Variants in KCNAB2 observed in about 807,000 individuals in gnomAD.
KCNAB2 encodes the protein potassium voltage-gated channel subfamily A regulatory beta subunit 2.
In KCNAB2, 29 loss-of-function variants were observed where a neutral mutation model predicts 63.6. That is an observed-to-expected ratio of 0.46 (90% CI 0.34 to 0.62). The LOEUF is 0.62. KCNAB2 is among the 20% of genes least tolerant of loss of function. KCNAB2 has a pLI of 0.01. For missense variants in KCNAB2, 359 were observed against 563.9 expected (o/e 0.64, Z 3.68); for synonymous variants, 222 against 224.2 (o/e 0.99, Z 0.09).
At chr1:6,046,208 C>T in intron 1 of KCNAB2, 25 bp downstream of exon 1, 1 of 985,326 alleles carries the variant, frequency 1.0e-6, no homozygotes, top group South Asian at 4.7e-5. Flanking sequence ...CAGCCGCTAC[C>T]TTCCTAGTGG....
chr1:6,081,364 A>G (rs933901910), intron 4 of KCNAB2, among the ~76,000 whole-genome samples: 5 of 152,202 alleles, frequency 3.3e-5, no homozygotes, highest in African/African-American at 1.2e-4. Flanking sequence ...TTCAGTCCTC[A>G]TGTGCAGGTG....
At chr1:6,018,041 T>C (rs1216486225) in intron 1 of KCNAB2, among the ~76,000 whole-genome samples, 1 of 152,188 alleles carries the variant, frequency 6.6e-6, no homozygotes, top group African/African-American at 2.4e-5. Context: ...GCCTTGCAAG[T>C]AGTTGGTACT....
chr1:6,084,486 A>G (rs1664476577), intron 5 of KCNAB2, among the ~76,000 whole-genome samples: 1 of 152,250 alleles, frequency 6.6e-6, no homozygotes, highest in Non-Finnish European at 1.5e-5. Context: ...TTGTCTCTCA[A>G]AACAGAGCGT....
At chr1:6,012,136 G>A (rs1240449379) in intron 1 of KCNAB2, among the ~76,000 whole-genome samples, 6 of 146,494 alleles carry the variant, frequency 4.1e-5, no homozygotes, top group South Asian at 2.2e-4. Flanking sequence ...TGGAGGTGAC[G>A]GGTGGAAGTG....
intron 2 of KCNAB2, among the ~76,000 whole-genome samples, chr1:6,063,370 G>A (rs899318869): frequency 1.3e-5 from 2 of 151,144 alleles, no homozygotes; most frequent in East Asian, 3.9e-4. Flanking sequence ...CTTTAACTTA[G>A]CATCATGTTT....
At chr1:6,037,549 G>A (rs1660145610) in intron 1 of KCNAB2, among the ~76,000 whole-genome samples, 1 of 152,168 alleles carries the variant, frequency 6.6e-6, no homozygotes, top group Non-Finnish European at 1.5e-5. Context: ...TGCTTGTAGG[G>A]GAGCCTCCCA....
chr1:6,080,277 A>C (rs1205821050), intron 4 of KCNAB2, among the ~76,000 whole-genome samples: 1 of 152,118 alleles, frequency 6.6e-6, no homozygotes, highest in East Asian at 1.9e-4. Context: ...GCAGGTGAAC[A>C]AGCCACCCGT....
upstream of KCNAB2, among the ~76,000 whole-genome samples, chr1:6,044,632 C>CA (rs1285179527): frequency 6.6e-6 from 1 of 152,084 alleles, no homozygotes; most frequent in African/African-American, 2.4e-5. Context: ...CAGATGCACT[C>CA]AGAGGGCACT....
At chr1:5,999,749 C>G (rs2102537964) in intron 1 of KCNAB2, among the ~76,000 whole-genome samples, 2 of 152,222 alleles carry the variant, frequency 1.3e-5, no homozygotes, top group South Asian at 4.1e-4. Flanking sequence ...CACCCTGTTC[C>G]TGACCATACA....
Position 6,096,135 on chromosome 1 carries a change from A to C in KCNAB2, c.949-501A>C, listed in dbSNP as rs910316196. ...AGTCTGCCCAGCCAGCAGTCTCAGC[A>C]CTGGGGCCCACAGCCCTGGGTTCCA... On this transcript the variant is annotated intron_variant, in intron 13 of 15. Coordinates refer to ENST00000378083, the MANE Select transcript of KCNAB2 (RefSeq NM_001199862.2). The surrounding 1 kb of genome is among the most constrained non-coding windows in gnomAD (Gnocchi z 5.9). 4.4e-6 allele frequency: 2 copies of C among 457,072 alleles called. No homozygotes were observed. Among genetic ancestry groups the C allele is most frequent in the Non-Finnish European group, 8.8e-6 (2 of 227,650 alleles). 28.3% of individuals were successfully genotyped at this position (457,072 alleles called of 1,614,324 possible).
chr1:6,092,481 C>G (rs1161236982), intron 10 of KCNAB2, among the ~76,000 whole-genome samples: 1 of 152,264 alleles, frequency 6.6e-6, no homozygotes, highest in East Asian at 1.9e-4. Flanking sequence ...GGGAACGGGG[C>G]TGGCCTTGGG....
intron 1 of KCNAB2, among the ~76,000 whole-genome samples, chr1:6,020,050 AG>A (rs1167616044): frequency 1.3e-5 from 2 of 151,954 alleles, no homozygotes; most frequent in African/African-American, 2.4e-5. Flanking sequence ...GGTCTTGCGG[AG>A]GGGGGTCATG....
At chr1:6,000,480 G>C (rs1056595425) in intron 1 of KCNAB2, among the ~76,000 whole-genome samples, 2 of 152,146 alleles carry the variant, frequency 1.3e-5, no homozygotes, top group East Asian at 3.9e-4. Context: ...CCTGTGCTGG[G>C]GCACTTCAGA....
At chr1:6,091,953 T>C (rs1665225862) in intron 10 of KCNAB2, among the ~76,000 whole-genome samples, 1 of 152,190 alleles carries the variant, frequency 6.6e-6, no homozygotes, top group Non-Finnish European at 1.5e-5. Flanking sequence ...GGGGGTGGCC[T>C]CTGGCCACGC....
intron 1 of KCNAB2, among the ~76,000 whole-genome samples, chr1:6,001,497 G>A (rs1419606098): frequency 6.6e-6 from 1 of 152,180 alleles, no homozygotes; most frequent in African/African-American, 2.4e-5. Flanking sequence ...ATGATCACCG[G>A]TTGTTGGAGT....
upstream of KCNAB2, chr1:6,041,657 G>T (rs551820965): frequency 1.6e-6 from 1 of 607,870 alleles, no homozygotes; most frequent in East Asian, 2.8e-5. Context: ...CAGAGCACTT[G>T]GCACCGGCTG....
At chr1:6,053,804 G>A (rs748932172) in intron 2 of KCNAB2, among the ~76,000 whole-genome samples, 5 of 152,172 alleles carry the variant, frequency 3.3e-5, no homozygotes, top group Admixed American at 6.5e-5. Context: ...ACGTTAGGCT[G>A]GGTGTGGTGG....
chr1:6,015,268 G>A (rs1423512599), intron 1 of KCNAB2, among the ~76,000 whole-genome samples: 1 of 152,118 alleles, frequency 6.6e-6, no homozygotes, highest in East Asian at 1.9e-4. Context: ...GACCTCCGGT[G>A]ATCCACCCAC....
chr1:6,030,301 A>AG (rs1659492911), upstream of KCNAB2, among the ~76,000 whole-genome samples: 1 of 152,186 alleles, frequency 6.6e-6, no homozygotes, highest in Admixed American at 6.5e-5. Context: ...CATATGTAGC[A>AG]GGGTGGACTG....
Sources: allele counts gnomAD v4.1 joint callset (sites outside exome capture counted in the v4.1 genomes callset), GRCh38; gene constraint gnomAD v4.1.1; non-coding constraint Gnocchi (gnomAD v3.1); transcripts MANE v1.5; gene names NCBI Gene and HGNC (gene_info 2026-07-23, HGNC 2026-07-21).